The following CSMD3 variants were observed in gnomAD, a reference collection of about 807,000 sequenced individuals.
CSMD3 encodes the protein CUB and sushi domain-containing protein 3.
CSMD3 carries 177 observed loss-of-function variants against 435.2 expected under a neutral mutation model. The ratio of observed to expected loss-of-function variants is 0.41; its 90% CI spans 0.36 to 0.46. The LOEUF (loss-of-function observed/expected upper bound fraction) is 0.46, where lower values mean the gene tolerates loss of function less well. Ranked by LOEUF, CSMD3 falls within the 20% of genes least tolerant of loss-of-function variation. CSMD3 has a pLI of 0.34. For missense variants in CSMD3, 4,265 were observed against 4,504.6 expected (o/e 0.95, Z 1.52); for synonymous variants, 1,656 against 1,520.5 (o/e 1.09, Z -2.07).
At chr8:112,504,489 A>G (rs1357169070) in intron 29 of CSMD3, among the ~76,000 whole-genome samples, 1 of 152,090 alleles carries the variant, frequency 6.6e-6, no homozygotes, top group Non-Finnish European at 1.5e-5. Context: ...AAAAGCTGAA[A>G]TCAAAAGTTG....
intron 19 of CSMD3, among the ~76,000 whole-genome samples, chr8:112,646,916 T>C (rs1201997096): frequency 1.3e-5 from 2 of 152,166 alleles, no homozygotes; most frequent in Non-Finnish European, 2.9e-5. Context: ...ATTACAATGA[T>C]TTACTAATTC....
At chr8:112,952,504 AAT>A (rs756588236) in intron 8 of CSMD3, among the ~76,000 whole-genome samples, 2 of 151,784 alleles carry the variant, frequency 1.3e-5, no homozygotes, top group Admixed American at 6.6e-5. Flanking sequence ...GTGTATTTGA[AAT>A]AGATATATAA....
chr8:113,425,948 C>T (rs1409336477), intron 1 of CSMD3, among the ~76,000 whole-genome samples: 2 of 151,504 alleles, frequency 1.3e-5, no homozygotes, highest in African/African-American at 2.4e-5. Context: ...ATTTATGCAT[C>T]AGCCAAAATA....
rs117539970 is a variant in CSMD3 at position 112,509,680 on chromosome 8, A to G, written c.4757-2851T>C. ...GTGTCTTTATACAGACTTCAGTCTT[A>G]TTATCATACACTTCTTCCTTTACAT... On this transcript the variant is annotated intron_variant, in intron 28 of 70. Transcript: ENST00000297405. Among the ~76,000 whole-genome samples the G allele has an allele frequency of 6.6e-4, 100 of 152,188 alleles. 2 individuals carry two copies. In the East Asian group the frequency reaches 0.019, roughly 29 times the overall value.
chr8:113,348,808 C>T (rs1196373475), intron 1 of CSMD3, among the ~76,000 whole-genome samples: 1 of 152,002 alleles, frequency 6.6e-6, no homozygotes, highest in Non-Finnish European at 1.5e-5. Flanking sequence ...TTTAGGCTTA[C>T]GTGTATCATA....
chr8:112,827,299 A>G (rs1021837067), intron 12 of CSMD3, among the ~76,000 whole-genome samples: 1 of 149,946 alleles, frequency 6.7e-6, no homozygotes, highest in Non-Finnish European at 1.5e-5. Flanking sequence ...CATAGCATCT[A>G]TGCTCTTGGA....
chr8:112,325,672 T>A (rs532982946), intron 45 of CSMD3, among the ~76,000 whole-genome samples: 13 of 152,082 alleles, frequency 8.5e-5, no homozygotes, highest in African/African-American at 1.7e-4. Context: ...ATATTACATA[T>A]AAGTATATAT....
chr8:113,202,753 A>G (rs2092727950), intron 3 of CSMD3, among the ~76,000 whole-genome samples: 1 of 152,124 alleles, frequency 6.6e-6, no homozygotes, highest in African/African-American at 2.4e-5. Context: ...GCTGTATTCA[A>G]TTTGGACGCA....
intron 4 of CSMD3, among the ~76,000 whole-genome samples, chr8:113,106,433 A>G (rs532133601): frequency 6.6e-6 from 1 of 152,202 alleles, no homozygotes; most frequent in Non-Finnish European, 1.5e-5. Flanking sequence ...CAGCTAAGAG[A>G]AAAGCAAGAT....
intron 9 of CSMD3, among the ~76,000 whole-genome samples, chr8:112,922,455 C>T (rs2082773559): frequency 6.6e-6 from 1 of 151,824 alleles, no homozygotes; most frequent in Non-Finnish European, 1.5e-5. Context: ...AATAGTAGGT[C>T]TTTTTCATTC....
chr8:112,958,171 C>A (rs534088761), intron 7 of CSMD3, among the ~76,000 whole-genome samples: 7 of 152,132 alleles, frequency 4.6e-5, no homozygotes, highest in Non-Finnish European at 8.8e-5. Flanking sequence ...GAAGCACTTT[C>A]ATTTGTAAAT....
At chr8:113,037,801 C>T (rs2087425654) in intron 5 of CSMD3, among the ~76,000 whole-genome samples, 2 of 151,576 alleles carry the variant, frequency 1.3e-5, no homozygotes, top group Non-Finnish European at 2.9e-5. Context: ...CAAAAAAAAA[C>T]AAAACAGAAA....
At chr8:112,681,868 AAAT>A (rs1356979412) in intron 16 of CSMD3, among the ~76,000 whole-genome samples, 1 of 152,150 alleles carries the variant, frequency 6.6e-6, no homozygotes, top group Non-Finnish European at 1.5e-5. Flanking sequence ...ATCGGTTTAA[AAAT>A]AATAATAATT....
At chr8:112,610,732 G>A (rs1833193268) in intron 22 of CSMD3, among the ~76,000 whole-genome samples, 1 of 152,112 alleles carries the variant, frequency 6.6e-6, no homozygotes, top group South Asian at 2.1e-4. Context: ...AAGTGTCTAT[G>A]CCTGACTGCC....
chr8:113,374,845 AAAC>A (rs781120053), intron 1 of CSMD3, among the ~76,000 whole-genome samples: 3 of 17,966 alleles, frequency 1.7e-4, no homozygotes, highest in Non-Finnish European at 3.6e-4. Flanking sequence ...AAAAAAAAAA[AAAC>A]CAATAAAATG....
chr8:113,128,034 C>T (rs1022084422), intron 4 of CSMD3, among the ~76,000 whole-genome samples: 15 of 152,162 alleles, frequency 9.9e-5, no homozygotes, highest in African/African-American at 3.6e-4. Flanking sequence ...TAAACATCAC[C>T]CACTAAGAGA....
At chr8:113,293,761 G>A (rs1273456582) in intron 2 of CSMD3, among the ~76,000 whole-genome samples, 1 of 151,838 alleles carries the variant, frequency 6.6e-6, no homozygotes, top group Non-Finnish European at 1.5e-5. Context: ...GTCATAGTTT[G>A]AAACAGAAAT....
chr8:113,312,146 C>A (rs966552439), intron 2 of CSMD3: 58 of 152,188 alleles, frequency 3.8e-4, no homozygotes, highest in African/African-American at 1.3e-3. Flanking sequence ...TGAAGAGCTT[C>A]AGATCTAAAC....
At chr8:112,960,674 A>T (rs2084193492) in intron 7 of CSMD3, among the ~76,000 whole-genome samples, 1 of 151,756 alleles carries the variant, frequency 6.6e-6, no homozygotes, top group South Asian at 2.1e-4. Context: ...TAAGTATTTT[A>T]AAAAGCACAC....
Sources: allele counts gnomAD v4.1 joint callset (sites outside exome capture counted in the v4.1 genomes callset), GRCh38; gene constraint gnomAD v4.1.1; transcripts MANE v1.5; gene names NCBI Gene and HGNC (gene_info 2026-07-23, HGNC 2026-07-21).